The following HAT1 variants were observed in gnomAD, a reference collection of about 807,000 sequenced individuals.
HAT1 encodes histone acetyltransferase 1, also known as histone acetyltransferase type B catalytic subunit.
In HAT1, 20 loss-of-function variants were observed where a neutral mutation model predicts 56.6. That is an observed-to-expected ratio of 0.35 (90% CI 0.25 to 0.51). The LOEUF is 0.51. Ranked by LOEUF, HAT1 falls within the 20% of genes least tolerant of loss-of-function variation. HAT1 has a pLI of 0.95. For synonymous variants in HAT1, 146 were observed against 165.5 expected, an observed-to-expected ratio of 0.88 and a Z score of 0.91; for missense variants, 408 against 504.3, an observed-to-expected ratio of 0.81 and a Z score of 1.83.
intron 2 of HAT1, among the ~76,000 whole-genome samples, chr2:171,945,700 G>A (rs914635034): frequency 6.7e-6 from 1 of 149,764 alleles, no homozygotes; most frequent in Non-Finnish European, 1.5e-5. Context: ...AGAGAGTCTC[G>A]CTCTCTTGGC....
At chr2:171,973,316 A>C (rs1426611975) in intron 8 of HAT1, among the ~76,000 whole-genome samples, 1 of 150,400 alleles carries the variant, frequency 6.6e-6, no homozygotes, top group Non-Finnish European at 1.5e-5. Flanking sequence ...AAAGTCCTCC[A>C]ATTTTGTTCT....
In HAT1 at chr2:171,934,907, C is replaced by G. The variant is rs377061230; in HGVS notation, c.112+9266C>G. Among the ~76,000 whole-genome samples the G allele has an allele frequency of 8.6e-5, 13 of 151,980 alleles. No individual in the cohort carries two copies. The East Asian group carries it at 1.4e-3, about 16-fold the overall frequency. On this transcript the variant is annotated intron_variant, in intron 2 of 10. Transcript: ENST00000264108. ...AGTAGTTGGGATTACAGGCGCCCAC[C>G]ACCACGCCCAGTTAATTTTTGTATT...
chr2:171,967,327 T>C (rs1687706755), intron 8 of HAT1, among the ~76,000 whole-genome samples: 1 of 152,150 alleles, frequency 6.6e-6, no homozygotes, highest in Non-Finnish European at 1.5e-5. Flanking sequence ...TAAACTTTAC[T>C]GAGAAAAAAA....
At chr2:171,974,082 G>T (rs1687886552) in intron 8 of HAT1, among the ~76,000 whole-genome samples, 2 of 150,924 alleles carry the variant, frequency 1.3e-5, no homozygotes, top group South Asian at 4.2e-4. Flanking sequence ...AGGAGGCTGA[G>T]GTGGGAGGAT....
At chr2:171,963,189 A>T (rs1425746601) in intron 4 of HAT1, among the ~76,000 whole-genome samples, 3 of 150,236 alleles carry the variant, frequency 2.0e-5, no homozygotes, top group Non-Finnish European at 4.4e-5. Context: ...AGTATATCAG[A>T]TACATATTTA....
At chr2:171,935,264 C>T (rs1686843336) in intron 2 of HAT1, among the ~76,000 whole-genome samples, 1 of 151,140 alleles carries the variant, frequency 6.6e-6, no homozygotes. Flanking sequence ...CCTGTAATCC[C>T]AGCACTTTGG....
At chr2:171,955,934 A>G (rs1388570211) in intron 4 of HAT1, among the ~76,000 whole-genome samples, 2 of 151,710 alleles carry the variant, frequency 1.3e-5, no homozygotes, top group East Asian at 3.9e-4. Flanking sequence ...AATCCCAGCT[A>G]CTCGGGAGGC....
At chr2:171,958,337 T>A (rs1363877606) in intron 4 of HAT1, among the ~76,000 whole-genome samples, 4 of 150,064 alleles carry the variant, frequency 2.7e-5, no homozygotes, top group Admixed American at 6.7e-5. Context: ...CTCCCGTTAT[T>A]TTTTTTTTTA....
At chr2:171,950,703 C>G (rs1323363172) in intron 3 of HAT1, among the ~76,000 whole-genome samples, 2 of 152,086 alleles carry the variant, frequency 1.3e-5, no homozygotes, top group East Asian at 3.9e-4. Context: ...GGGGTTTCAC[C>G]CTGTTGGCCA....
intron 3 of HAT1, among the ~76,000 whole-genome samples, chr2:171,951,680 C>T (rs200583885): frequency 6.7e-5 from 10 of 150,128 alleles, no homozygotes; most frequent in Non-Finnish European, 1.3e-4. Flanking sequence ...GATCCCCCCC[C>T]GCCTCAGCAT....
intron 2 of HAT1, among the ~76,000 whole-genome samples, chr2:171,938,076 T>TCTCTCTCTCTCTC (rs1574039412): frequency 4.7e-5 from 3 of 63,654 alleles, no homozygotes; most frequent in African/African-American, 1.8e-4. Context: ...CTCTCTCTCT[T>TCTCTCTCTCTCTC]TAAATGAACT....
intron 2 of HAT1, among the ~76,000 whole-genome samples, chr2:171,943,605 C>T (rs1212156309): frequency 6.6e-6 from 1 of 150,608 alleles, no homozygotes; most frequent in African/African-American, 2.4e-5. Flanking sequence ...CACCTAGATT[C>T]AACAGTTAAC....
At chr2:171,947,238 A>G (rs570067811) in intron 3 of HAT1, among the ~76,000 whole-genome samples, 3 of 152,120 alleles carry the variant, frequency 2.0e-5, no homozygotes, top group Non-Finnish European at 2.9e-5. Context: ...CAGTTGAGAG[A>G]AGTTTATTTA....
At chr2:171,922,996 C>G (rs1686481853) in intron 1 of HAT1, 1 of 156,928 alleles carries the variant, frequency 6.4e-6, no homozygotes, top group Admixed American at 6.5e-5. Context: ...GGCGCTCCCA[C>G]TTGGATCTCG....
intron 2 of HAT1, among the ~76,000 whole-genome samples, chr2:171,932,336 A>T (rs763022155): frequency 3.9e-5 from 6 of 152,150 alleles, no homozygotes; most frequent in African/African-American, 1.4e-4. Flanking sequence ...AAGAATTTGT[A>T]TAAGACTGCA....
In HAT1 at chr2:171,983,330, T is replaced by C; in HGVS notation, c.1238T>C (p.Ile413Thr). 3 of 1,607,744 alleles carry C rather than the reference T, an allele frequency of 1.9e-6. No homozygotes were observed. The highest frequency in any genetic ancestry group is 2.6e-6 in the Non-Finnish European group (3 of 1,176,144). The change falls in exon 11 of 11, where the codon ATT (isoleucine) becomes ACT (threonine). Residue 413 changes from isoleucine (I) to threonine (T), a missense_variant. Physicochemically the swap from Ile to Thr is moderately conservative, Grantham distance 89. Coordinates refer to ENST00000264108, the MANE Select transcript of HAT1 (RefSeq NM_003642.4). ...CTAGTGGAAGATTACCGGCGTGTTA[T>C]TGAACGACTTGCTCAAGAGTAAAGA... The part of the protein sequence containing the change: ...QELVEDYRRV[I>T]ERLAQE
intron 8 of HAT1, among the ~76,000 whole-genome samples, chr2:171,970,484 G>A (rs1687785913): frequency 7.7e-6 from 1 of 129,334 alleles, no homozygotes; most frequent in Non-Finnish European, 1.6e-5. Flanking sequence ...ATCAGTATTA[G>A]CAATGCAGTT....
At chr2:171,975,460 G>C (rs1687935380) in intron 8 of HAT1, among the ~76,000 whole-genome samples, 1 of 152,000 alleles carries the variant, frequency 6.6e-6, no homozygotes, top group African/African-American at 2.4e-5. Context: ...GTCTTCTTCA[G>C]GTTGTTTCAT....
chr2:171,923,109 T>C (rs1686484629), intron 1 of HAT1: 2 of 152,462 alleles, frequency 1.3e-5, no homozygotes, highest in South Asian at 4.1e-4. Context: ...TGCTCCCTTC[T>C]CTTTTAGGGT....
Sources: gnomAD v4.1 joint callset for allele counts (sites outside exome capture counted in the v4.1 genomes callset) on GRCh38, gnomAD v4.1.1 for gene constraint, MANE v1.5 for transcripts, NCBI Gene and HGNC (gene_info 2026-07-23, HGNC 2026-07-21) for gene names.